SRRM4: variants seen among roughly 807,000 people sequenced by gnomAD.
The protein encoded by SRRM4 is serine/arginine repetitive matrix protein 4.
A neutral mutation model predicts 68.9 loss-of-function variants in SRRM4; 33 were observed. The observed-to-expected ratio is 0.48, with a 90% confidence interval of 0.36 to 0.64. The LOEUF (loss-of-function observed/expected upper bound fraction) is 0.64, where lower values mean the gene tolerates loss of function less well. SRRM4 is among the 30% of genes least tolerant of loss of function. SRRM4 has a pLI of 0.00. For synonymous variants in SRRM4, 318 were observed against 318.8 expected (o/e 1.00, Z 0.03); for missense variants, 817 against 827.1 (o/e 0.99, Z 0.15).
chr12:119,025,340 G>A (rs1953541177), intron 1 of SRRM4, among the ~76,000 whole-genome samples: 2 of 152,140 alleles, frequency 1.3e-5, no homozygotes, highest in Admixed American at 6.5e-5. Flanking sequence ...CATGAGGCTG[G>A]ACAGTCAGGC....
At position 118,999,614 on chromosome 12, in the gene SRRM4, C is replaced by T. The variant is rs148438625; in HGVS notation, c.131+17601C>T. 4.3e-3 allele frequency among the ~76,000 whole-genome samples: 658 copies of T among 152,272 alleles called. 3 individuals are homozygous for T. The highest frequency in any genetic ancestry group is 7.7e-3 in the Non-Finnish European group (527 of 68,008). Reference sequence around the variant, plus strand: ...CTAACAGAGTTATTTATAATAACAACAGTGTATGTTAGGCATTACACTAAG... The same window carrying T: ...CTAACAGAGTTATTTATAATAACAATAGTGTATGTTAGGCATTACACTAAG... On this transcript the variant is annotated intron_variant, in intron 1 of 12. Transcript: ENST00000267260.
chr12:119,065,390 A>T (rs922302809), intron 1 of SRRM4, among the ~76,000 whole-genome samples: 7 of 152,158 alleles, frequency 4.6e-5, no homozygotes, highest in Non-Finnish European at 1.0e-4. Flanking sequence ...GGTTGTTTCC[A>T]TTGAACTATG....
intron 8 of SRRM4, among the ~76,000 whole-genome samples, chr12:119,139,706 G>A (rs1455496346): frequency 6.6e-6 from 1 of 152,152 alleles, no homozygotes; most frequent in African/African-American, 2.4e-5. Flanking sequence ...AGGGTGACCA[G>A]CATGGAGAGC....
At chr12:119,148,966 T>C (rs1954421145) in intron 9 of SRRM4, among the ~76,000 whole-genome samples, 1 of 152,144 alleles carries the variant, frequency 6.6e-6, no homozygotes, top group Non-Finnish European at 1.5e-5. Context: ...GTGGGGACTC[T>C]GGAGCTGCAC....
chr12:119,068,608 GAT>G (rs1298167367), intron 1 of SRRM4, among the ~76,000 whole-genome samples: 3 of 152,048 alleles, frequency 2.0e-5, no homozygotes, highest in Non-Finnish European at 4.4e-5. Flanking sequence ...GGGAGTTTTA[GAT>G]ATTTATCTCC....
At chr12:119,120,542 G>A (rs1480543498) in intron 5 of SRRM4, among the ~76,000 whole-genome samples, 1 of 151,878 alleles carries the variant, frequency 6.6e-6, no homozygotes, top group Non-Finnish European at 1.5e-5. Flanking sequence ...TACTACCCCT[G>A]CCACTGGTTG....
At chr12:119,033,526 T>A (rs1368101571) in intron 1 of SRRM4, among the ~76,000 whole-genome samples, 2 of 152,074 alleles carry the variant, frequency 1.3e-5, no homozygotes, top group Non-Finnish European at 2.9e-5. Flanking sequence ...TAGCTGGGCG[T>A]GGTGGCACGC....
At chr12:119,001,549 G>A (rs772699139) in intron 1 of SRRM4, 1 of 152,156 alleles carries the variant, frequency 6.6e-6, no homozygotes, top group Non-Finnish European at 1.5e-5. Context: ...ACTATTTATT[G>A]AACAATTACT....
intron 1 of SRRM4, among the ~76,000 whole-genome samples, chr12:119,020,982 G>C (rs79166415): frequency 2.0e-4 from 30 of 152,306 alleles, no homozygotes; most frequent in Admixed American, 1.4e-3. Flanking sequence ...TAGAGACGGT[G>C]GGGGGAGGCG....
intron 1 of SRRM4, among the ~76,000 whole-genome samples, chr12:118,984,719 C>T (rs1205543004): frequency 1.3e-5 from 2 of 152,188 alleles, no homozygotes; most frequent in Non-Finnish European, 2.9e-5. Flanking sequence ...TCCTCTACCC[C>T]TCTGTGGGGC....
intron 1 of SRRM4, among the ~76,000 whole-genome samples, chr12:119,034,308 G>A (rs1008511714): frequency 6.6e-6 from 1 of 152,204 alleles, no homozygotes; most frequent in African/African-American, 2.4e-5. Flanking sequence ...TCTTCAGTGG[G>A]AACAGACTCT....
chr12:119,097,341 T>G (rs1030816020), intron 1 of SRRM4, among the ~76,000 whole-genome samples: 3 of 152,184 alleles, frequency 2.0e-5, no homozygotes, highest in Non-Finnish European at 2.9e-5. Context: ...TACCTCTGCT[T>G]CTTTATTTGT....
chr12:119,109,810 A>G (rs11064663), intron 2 of SRRM4, among the ~76,000 whole-genome samples: 43,990 of 152,072 alleles, frequency 0.29, 7,067 homozygotes, highest in South Asian at 0.36. Context: ...ATCATCTGAA[A>G]GCTTCTTCCC....
intron 10 of SRRM4, among the ~76,000 whole-genome samples, chr12:119,151,990 AAATT>A (rs1239740469): frequency 2.0e-5 from 3 of 152,196 alleles, no homozygotes; most frequent in Non-Finnish European, 4.4e-5. Flanking sequence ...GGGAGAAGAA[AAATT>A]ATGGCCATTT....
At position 119,030,676 on chromosome 12, in the gene SRRM4, A is replaced by G. The variant is rs551317473; in HGVS notation, c.131+48663A>G. On this transcript the variant is annotated intron_variant, in intron 1 of 12. Transcript: ENST00000267260. ...ACAATCATATTTTCATTGCTTTATA[A>G]GCCATTTTTCTCACTTAACAATATA... Among the ~76,000 whole-genome samples, 6 of 152,292 alleles carry G rather than the reference A, an allele frequency of 3.9e-5. No individual in the cohort carries two copies. In the South Asian group the frequency reaches 8.3e-4, roughly 21 times the overall value.
chr12:119,082,136 C>T (rs1953952594), intron 1 of SRRM4, among the ~76,000 whole-genome samples: 1 of 152,112 alleles, frequency 6.6e-6, no homozygotes, highest in African/African-American at 2.4e-5. Flanking sequence ...GGATCAGCCT[C>T]ATTATTCGGC....
At chr12:119,031,670 G>T (rs1953590741) in intron 1 of SRRM4, among the ~76,000 whole-genome samples, 1 of 152,006 alleles carries the variant, frequency 6.6e-6, no homozygotes, top group East Asian at 1.9e-4. Context: ...TGCCTAAAGG[G>T]TCATCATTTT....
chr12:119,010,057 A>T (rs1396757041), intron 1 of SRRM4, among the ~76,000 whole-genome samples: 1 of 152,082 alleles, frequency 6.6e-6, no homozygotes, highest in Non-Finnish European at 1.5e-5. Context: ...CTCTCAGAAA[A>T]TATTTTCTTT....
At chr12:119,062,457 A>G (rs936699645) in intron 1 of SRRM4, among the ~76,000 whole-genome samples, 2 of 152,106 alleles carry the variant, frequency 1.3e-5, no homozygotes, top group African/African-American at 4.8e-5. Context: ...AAACTTTTTC[A>G]TTTATTTAAG....
Sources: gnomAD v4.1 joint callset for allele counts (sites outside exome capture counted in the v4.1 genomes callset) on GRCh38, gnomAD v4.1.1 for gene constraint, MANE v1.5 for transcripts, NCBI Gene and HGNC (gene_info 2026-07-23, HGNC 2026-07-21) for gene names.